Variants in NBEA observed in about 807,000 individuals in gnomAD.
NBEA encodes neurobeachin.
NBEA carries 44 observed loss-of-function variants against 343.4 expected under a neutral mutation model. That is an observed-to-expected ratio of 0.13 (90% CI 0.10 to 0.16). The LOEUF is 0.16. Ranked by LOEUF, NBEA falls within the 10% of genes least tolerant of loss-of-function variation. NBEA has a pLI of 1.00. For synonymous variants in NBEA, 1,175 were observed against 1,238.7 expected (o/e 0.95, Z 1.08); for missense variants, 2,555 against 3,631.3 (o/e 0.70, Z 7.62).
intron 39 of NBEA, among the ~76,000 whole-genome samples, chr13:35,440,254 A>G (rs2045666210): frequency 6.6e-6 from 1 of 152,212 alleles, no homozygotes; most frequent in African/African-American, 2.4e-5. Context: ...ACAACATTGA[A>G]GGATGGATTT....
chr13:35,376,529 C>T (rs1167092659), intron 38 of NBEA, among the ~76,000 whole-genome samples: 1 of 152,068 alleles, frequency 6.6e-6, no homozygotes, highest in Non-Finnish European at 1.5e-5. Flanking sequence ...AAGAGAAATA[C>T]TTTGGTGTCA....
chr13:35,305,019 G>A (rs1173372703), intron 35 of NBEA, among the ~76,000 whole-genome samples: 1 of 152,034 alleles, frequency 6.6e-6, no homozygotes, highest in Admixed American at 6.6e-5. Context: ...AAAATATGGG[G>A]GAAAGTTTCT....
intron 26 of NBEA, among the ~76,000 whole-genome samples, chr13:35,172,685 A>G (rs1308304920): frequency 2.6e-5 from 4 of 152,114 alleles, no homozygotes; most frequent in Admixed American, 1.3e-4. Context: ...AGCACTTTCT[A>G]TATATTAATT....
intron 41 of NBEA, among the ~76,000 whole-genome samples, chr13:35,509,782 G>A (rs999322995): frequency 6.6e-6 from 1 of 152,170 alleles, no homozygotes; most frequent in Non-Finnish European, 1.5e-5. Context: ...ACTGACCGGC[G>A]AACAGTGCCA....
intron 17 of NBEA, among the ~76,000 whole-genome samples, chr13:35,141,260 C>CTTTTTTTG (rs934159053): frequency 6.6e-6 from 1 of 151,754 alleles, no homozygotes; most frequent in African/African-American, 2.4e-5. Context: ...ATTTTGAATT[C>CTTTTTTTG]TTTTTTTGTT....
intron 8 of NBEA, among the ~76,000 whole-genome samples, chr13:35,069,233 G>A (rs536778511): frequency 6.6e-6 from 1 of 152,098 alleles, no homozygotes; most frequent in Non-Finnish European, 1.5e-5. Flanking sequence ...TGTGATTATT[G>A]CAAAGGTTAA....
intron 48 of NBEA, among the ~76,000 whole-genome samples, chr13:35,607,787 C>T (rs1004753791): frequency 6.6e-6 from 1 of 152,038 alleles, no homozygotes; most frequent in African/African-American, 2.4e-5. Context: ...AGTCCATTCA[C>T]AAAGTTGTGC....
intron 38 of NBEA, among the ~76,000 whole-genome samples, chr13:35,430,931 G>A (rs980136328): frequency 6.6e-5 from 10 of 152,028 alleles, no homozygotes; most frequent in South Asian, 2.1e-4. Context: ...AAAAATAAGT[G>A]CATTAAAGCA....
At chr13:35,096,641 C>T (rs1040829712) in intron 10 of NBEA, among the ~76,000 whole-genome samples, 1 of 151,806 alleles carries the variant, frequency 6.6e-6, no homozygotes, top group Non-Finnish European at 1.5e-5. Flanking sequence ...CCATTTTCCC[C>T]CTAAATCACT....
intron 1 of NBEA, among the ~76,000 whole-genome samples, chr13:34,977,394 T>C (rs1263830340): frequency 6.6e-6 from 1 of 151,888 alleles, no homozygotes; most frequent in African/African-American, 2.4e-5. Context: ...CTGCAACCCC[T>C]GTCTCCCGGA....
At chr13:35,515,883 A>G (rs534889229) in intron 41 of NBEA, among the ~76,000 whole-genome samples, 4 of 152,274 alleles carry the variant, frequency 2.6e-5, no homozygotes, top group Admixed American at 1.3e-4. Context: ...CATTGGGCCA[A>G]TTACTCCAAA....
At chr13:35,663,424 A>G (rs1408162577) in intron 55 of NBEA, among the ~76,000 whole-genome samples, 1 of 152,134 alleles carries the variant, frequency 6.6e-6, no homozygotes, top group Non-Finnish European at 1.5e-5. Context: ...AGTTCCATCT[A>G]TGTTGTTGCA....
chr13:35,335,172 A>T (rs1020002650), intron 36 of NBEA, among the ~76,000 whole-genome samples: 3 of 152,004 alleles, frequency 2.0e-5, no homozygotes, highest in African/African-American at 7.2e-5. Context: ...TTTGTTTCTG[A>T]GTTCTCTATT....
chr13:35,451,146 G>T (rs1464175589), intron 39 of NBEA, among the ~76,000 whole-genome samples: 1 of 151,994 alleles, frequency 6.6e-6, no homozygotes, highest in Non-Finnish European at 1.5e-5. Context: ...TTTGTTGAGA[G>T]GGAGTCTCAC....
chr13:35,248,513 C>T (rs1290642285), intron 34 of NBEA, among the ~76,000 whole-genome samples: 1 of 152,150 alleles, frequency 6.6e-6, no homozygotes, highest in Non-Finnish European at 1.5e-5. Flanking sequence ...TTACATAGCT[C>T]CACAAGTCAA....
At chr13:35,158,945 A>T (rs2069370545) in intron 21 of NBEA, 71 bp from the exon 22 acceptor site, 1 of 1,284,470 alleles carries the variant, frequency 7.8e-7, no homozygotes, top group Non-Finnish European at 1.1e-6. Flanking sequence ...CCACAATTTA[A>T]TTTGTATTAT....
intron 34 of NBEA, among the ~76,000 whole-genome samples, chr13:35,254,207 T>G (rs2032313076): frequency 6.6e-6 from 1 of 151,988 alleles, no homozygotes; most frequent in African/African-American, 2.4e-5. Flanking sequence ...TAATATTTGG[T>G]CCAATTTTAG....
At chr13:35,665,039 C>G (rs774792602) in intron 55 of NBEA, 46 bp from the exon 56 acceptor site, 2 of 1,268,538 alleles carry the variant, frequency 1.6e-6, no homozygotes, top group Middle Eastern at 3.7e-4. Context: ...AGCTCTCTCC[C>G]CCTGCTATTG....
intron 40 of NBEA, among the ~76,000 whole-genome samples, chr13:35,465,906 A>G (rs898518715): frequency 6.6e-6 from 1 of 151,924 alleles, no homozygotes; most frequent in African/African-American, 2.4e-5. Flanking sequence ...ATAGTAGGTT[A>G]AAGTTAGAGC....
Sources: allele counts gnomAD v4.1 joint callset (sites outside exome capture counted in the v4.1 genomes callset), GRCh38; gene constraint gnomAD v4.1.1; transcripts MANE v1.5; gene names NCBI Gene and HGNC (gene_info 2026-07-23, HGNC 2026-07-21).